B4GALNT3: variants seen among roughly 807,000 people sequenced by gnomAD.
The protein encoded by B4GALNT3 is beta-1,4-N-acetylgalactosaminyltransferase 3.
A neutral mutation model predicts 120.2 loss-of-function variants in B4GALNT3; 86 were observed. That is an observed-to-expected ratio of 0.72 (90% confidence interval 0.60 to 0.86). The LOEUF (loss-of-function observed/expected upper bound fraction) is 0.86, where lower values mean the gene tolerates loss of function less well. Among genes scored for constraint, B4GALNT3 ranks in the 40% least tolerant of loss-of-function variants. The pLI, the probability that B4GALNT3 is intolerant of heterozygous loss-of-function variation, is 0.00. For synonymous variants in B4GALNT3, 518 were observed against 510.4 expected (o/e 1.01, Z -0.20); for missense variants, 1,167 against 1,298.9 (o/e 0.90, Z 1.56).
chr12:546,768 G>A (rs555423161), intron 7 of B4GALNT3, 55 bp downstream of exon 7: 22 of 1,500,448 alleles, frequency 1.5e-5, no homozygotes, highest in Admixed American at 2.0e-5. Context: ...GGTGGAGCCC[G>A]GCTGCGCCCC....
At chr12:538,162 T>C (rs140412047) in intron 3 of B4GALNT3, among the ~76,000 whole-genome samples, 1 of 152,326 alleles carries the variant, frequency 6.6e-6, no homozygotes, top group African/African-American at 2.4e-5. Flanking sequence ...GCCATAACAT[T>C]CTACATTTAT....
intron 1 of B4GALNT3, among the ~76,000 whole-genome samples, chr12:506,537 A>T (rs1946497826): frequency 6.6e-6 from 1 of 152,200 alleles, no homozygotes; most frequent in Non-Finnish European, 1.5e-5. Flanking sequence ...CACCATAAAA[A>T]ATTCAATATG....
intron 1 of B4GALNT3, among the ~76,000 whole-genome samples, chr12:509,843 G>A (rs1946529489): frequency 6.6e-6 from 1 of 152,214 alleles, no homozygotes; most frequent in Non-Finnish European, 1.5e-5. Context: ...AGGCAGAGAA[G>A]TGTGCTGTGG....
chr12:465,174 G>A (rs1302859005), intron 1 of B4GALNT3, among the ~76,000 whole-genome samples: 1 of 152,084 alleles, frequency 6.6e-6, no homozygotes, highest in Non-Finnish European at 1.5e-5. Context: ...TCTGTCCCAG[G>A]GAACCTCCTT....
chr12:519,721 T>G (rs1946687706), intron 1 of B4GALNT3, among the ~76,000 whole-genome samples: 1 of 152,072 alleles, frequency 6.6e-6, no homozygotes, highest in South Asian at 2.1e-4. Context: ...TGTTGATGTG[T>G]TGGTTCACTG....
intron 1 of B4GALNT3, among the ~76,000 whole-genome samples, chr12:489,440 C>T (rs895423102): frequency 5.3e-5 from 8 of 151,490 alleles, no homozygotes; most frequent in African/African-American, 1.9e-4. Flanking sequence ...ATTATTAACC[C>T]AGGTATTTTA....
At chr12:504,858 G>GTTTCACAAAAACA (rs1310941471) in intron 1 of B4GALNT3, among the ~76,000 whole-genome samples, 2 of 151,018 alleles carry the variant, frequency 1.3e-5, no homozygotes, top group Non-Finnish European at 2.9e-5. Context: ...AAAAACCCTT[G>GTTTCACAAAAACA]TGTGAAAATG....
At chr12:555,019 A>C (rs1947135949) in intron 14 of B4GALNT3, among the ~76,000 whole-genome samples, 1 of 151,520 alleles carries the variant, frequency 6.6e-6, no homozygotes, top group Non-Finnish European at 1.5e-5. Flanking sequence ...CTCTAATAAA[A>C]ATACAAAAAT....
chr12:512,120 TCGAG>T (rs1198697452), intron 1 of B4GALNT3, among the ~76,000 whole-genome samples: 16 of 110,358 alleles, frequency 1.4e-4, no homozygotes, highest in East Asian at 1.2e-3. Context: ...TCTTCCACCT[TCGAG>T]CTTCCACCTT....
Position 552,061 on chromosome 12 carries a change from A to G in B4GALNT3, c.1108-2A>G, listed in dbSNP as rs1947089518. 1 of 1,595,084 alleles carries G rather than the reference A, an allele frequency of 6.3e-7. No individual in the cohort carries two copies. Among genetic ancestry groups the G allele is most frequent in the East Asian group, 2.2e-5 (1 of 44,772 alleles). ...TCCTGCTGCTGATTTTTCCACTTCC[A>G]GGTTCATCTGTCTTTTGTTTACCCC... On this transcript the variant is annotated splice_acceptor_variant, in intron 11 of 19. Coordinates refer to ENST00000266383, the MANE Select transcript of B4GALNT3 (RefSeq NM_173593.4). LOFTEE classifies it high-confidence loss of function.
chr12:561,279 G>A (rs2120755923), intron 19 of B4GALNT3, 64 bp from the exon 20 acceptor site: 2 of 1,307,590 alleles, frequency 1.5e-6, no homozygotes, highest in African/African-American at 1.5e-5. Context: ...TGTGGTCGAT[G>A]GGGAGGGGCC....
chr12:510,865 G>A (rs536592506), intron 1 of B4GALNT3, among the ~76,000 whole-genome samples: 1 of 152,088 alleles, frequency 6.6e-6, no homozygotes, highest in Admixed American at 6.5e-5. Flanking sequence ...TATATCCACA[G>A]GGCTGTGCAA....
In B4GALNT3 at chr12:460,643, A is replaced by G. The variant is rs1946011806; in HGVS notation, c.169+98A>G. ...GCCTCTCATCCCATCCTCAGACCCG[A>G]TTTCCCACCCATTTCTCCCTCAGGT... is the stretch of plus-strand genomic sequence containing the variant. On this transcript the variant is annotated intron_variant, in intron 1 of 19. Transcript: ENST00000266383. This position sits in a 1 kb window ranked among gnomAD's most constrained non-coding sequence, Gnocchi z 8.0. The G allele has an allele frequency of 1.8e-6, 2 of 1,139,798 alleles. No individual in the cohort carries two copies. Among genetic ancestry groups the G allele is most frequent in the Middle Eastern group, 3.2e-4 (1 of 3,102 alleles). The allele number at this position is 1,139,798 out of a possible 1,614,324, so 70.6% of individuals were successfully genotyped here.
At chr12:513,759 C>T (rs989669206) in intron 1 of B4GALNT3, among the ~76,000 whole-genome samples, 5 of 152,318 alleles carry the variant, frequency 3.3e-5, no homozygotes, top group Middle Eastern at 3.4e-3. Flanking sequence ...ACTACGGCCT[C>T]AAACATTTTT....
Position 528,518 on chromosome 12 carries a change from C to T in B4GALNT3, c.170-6648C>T, listed in dbSNP as rs73034116. On this transcript the variant is annotated intron_variant, in intron 1 of 19. Transcript: ENST00000266383. ...CTGTTGTATTACTAATAATTTTTCTCGCATCAAGTTCCCTGGCGCATCGTG... is the reference window on the plus strand; with the variant it reads ...CTGTTGTATTACTAATAATTTTTCTTGCATCAAGTTCCCTGGCGCATCGTG... Among the ~76,000 whole-genome samples, 1,298 of 152,324 alleles carry T rather than the reference C, an allele frequency of 8.5e-3. 4 individuals carry two copies. The highest frequency in any genetic ancestry group is 0.014 in the Non-Finnish European group (935 of 68,032).
chr12:551,235 C>T (rs762664031), intron 11 of B4GALNT3, among the ~76,000 whole-genome samples: 1 of 152,254 alleles, frequency 6.6e-6, no homozygotes, highest in Admixed American at 6.5e-5. Context: ...AGAGCCTGCA[C>T]GTGGGTGCTC....
chr12:511,912 C>T (rs1386446948), intron 1 of B4GALNT3, among the ~76,000 whole-genome samples: 2 of 131,074 alleles, frequency 1.5e-5, no homozygotes, highest in African/African-American at 6.1e-5. Context: ...CCGCCTTCGA[C>T]CTTCTTCCAC....
intron 14 of B4GALNT3, among the ~76,000 whole-genome samples, chr12:554,528 C>T (rs185345836): frequency 0.011 from 1,626 of 152,228 alleles, 28 homozygotes; most frequent in African/African-American, 0.036. Flanking sequence ...CGGTGGCTCA[C>T]GCCTGTAATC....
rs540187262 is a variant in B4GALNT3, at chr12:515,615, C to T, written c.170-19551C>T. On this transcript the variant is annotated intron_variant, in intron 1 of 19. Coordinates refer to ENST00000266383, the MANE Select transcript of B4GALNT3 (RefSeq NM_173593.4). Reference sequence around the variant, plus strand: ...ATTGTTTTTATCATCTCGTATTTATCGAATATTTACCGTATGCCACTCTCA... The same window carrying T: ...ATTGTTTTTATCATCTCGTATTTATTGAATATTTACCGTATGCCACTCTCA... Among the ~76,000 whole-genome samples, 223 of 152,114 alleles carry T rather than the reference C, an allele frequency of 1.5e-3. 1 individual carries two copies. The highest frequency in any genetic ancestry group is 6.8e-3 in the Middle Eastern group (2 of 294).
Sources: allele counts gnomAD v4.1 joint callset (sites outside exome capture counted in the v4.1 genomes callset), GRCh38; gene constraint gnomAD v4.1.1; non-coding constraint Gnocchi (gnomAD v3.1); transcripts MANE v1.5; gene names NCBI Gene and HGNC (gene_info 2026-07-23, HGNC 2026-07-21).